GMDS: variants seen among roughly 807,000 people sequenced by gnomAD.
GMDS encodes the protein GDP-mannose 4,6 dehydratase.
GMDS carries 20 observed loss-of-function variants against 49.9 expected under a neutral mutation model. That is an observed-to-expected ratio of 0.40 (90% CI 0.28 to 0.58). GMDS has a LOEUF of 0.58. Ranked by LOEUF, GMDS falls within the 20% of genes least tolerant of loss-of-function variation. The probability of loss-of-function intolerance (pLI) is 0.42; values close to 1 mark genes in which losing one functional copy is unlikely to be tolerated. For missense variants in GMDS, 362 were observed against 481.4 expected (o/e 0.75, Z 2.32); for synonymous variants, 177 against 178.6 (o/e 0.99, Z 0.07).
chr6:1,964,834 A>G (rs1429929828), intron 4 of GMDS, among the ~76,000 whole-genome samples: 1 of 151,990 alleles, frequency 6.6e-6, no homozygotes, highest in African/African-American at 2.4e-5. Flanking sequence ...CCCCTACCCC[A>G]CAACAGGCCC....
At chr6:1,932,829 C>T (rs1025183571) in intron 6 of GMDS, among the ~76,000 whole-genome samples, 8 of 152,316 alleles carry the variant, frequency 5.3e-5, no homozygotes, top group African/African-American at 1.4e-4. Flanking sequence ...TGAGCCACCG[C>T]GCCCGCTCAA....
intron 9 of GMDS, among the ~76,000 whole-genome samples, chr6:1,665,809 C>T (rs1193382348): frequency 6.6e-6 from 1 of 152,188 alleles, no homozygotes; most frequent in Non-Finnish European, 1.5e-5. Context: ...GTGTACATAT[C>T]ATCATGTCTT....
At position 2,106,870 on chromosome 6, in the gene GMDS, GA is replaced by G. The variant is rs576984709; in HGVS notation, c.345+8900del. Among the ~76,000 whole-genome samples the G allele has an allele frequency of 6.3e-3, 813 of 129,848 alleles. 4 individuals carry two copies. The highest frequency in any genetic ancestry group is 9.2e-3 in the Non-Finnish European group (573 of 62,366). The allele number at this position is 129,848 out of a possible 152,430, so 85.2% of individuals were successfully genotyped here. A position where few individuals can be genotyped will look rare whatever the true frequency, so the allele number is the denominator to read the frequency against. On this transcript the variant is annotated intron_variant, in intron 4 of 10. Coordinates refer to ENST00000380815, the MANE Select transcript of GMDS (RefSeq NM_001500.4). ...AGAGCGAGACTCTGTCTCAAAAAAA[GA>G]AAAAAAAAAGGAAAAGTTTTACTCA...
At chr6:2,143,797 G>A (rs986027055) in intron 1 of GMDS, among the ~76,000 whole-genome samples, 3 of 152,130 alleles carry the variant, frequency 2.0e-5, no homozygotes, top group African/African-American at 7.2e-5. Context: ...AAGGAATCAA[G>A]GCTCTTCATT....
intron 4 of GMDS, among the ~76,000 whole-genome samples, chr6:2,016,431 T>C (rs191992895): frequency 2.6e-5 from 4 of 152,104 alleles, no homozygotes; most frequent in Non-Finnish European, 4.4e-5. Flanking sequence ...ATGGACCCAA[T>C]AATAGAGCTA....
chr6:2,225,165 CA>C (rs1188506396), intron 1 of GMDS, among the ~76,000 whole-genome samples: 7,842 of 119,456 alleles, frequency 0.066, 439 homozygotes, highest in African/African-American at 0.17. Context: ...ATAAAAAATA[CA>C]AAAAAAAAAA....
intron 4 of GMDS, among the ~76,000 whole-genome samples, chr6:2,067,681 C>T (rs1286612507): frequency 6.6e-6 from 1 of 152,122 alleles, no homozygotes; most frequent in East Asian, 1.9e-4. Flanking sequence ...CAGATAAATT[C>T]CTCGACACAT....
chr6:1,734,730 T>A (rs1412766749), intron 8 of GMDS, among the ~76,000 whole-genome samples: 22 of 152,228 alleles, frequency 1.4e-4, no homozygotes, highest in Non-Finnish European at 1.5e-5. Flanking sequence ...AATTACTTAA[T>A]AGGGAGGCTC....
At chr6:1,748,747 T>G (rs1663656066) in intron 7 of GMDS, among the ~76,000 whole-genome samples, 1 of 152,258 alleles carries the variant, frequency 6.6e-6, no homozygotes, top group Non-Finnish European at 1.5e-5. Context: ...ACAGGGCCCA[T>G]GGACTACGAT....
intron 7 of GMDS, among the ~76,000 whole-genome samples, chr6:1,821,692 T>C (rs1380638166): frequency 6.6e-6 from 1 of 151,398 alleles, no homozygotes; most frequent in Admixed American, 6.6e-5. Context: ...TGAATGATAT[T>C]TTGAAACTCT....
intron 1 of GMDS, among the ~76,000 whole-genome samples, chr6:2,216,963 G>A (rs1000835361): frequency 6.6e-6 from 1 of 151,998 alleles, no homozygotes; most frequent in Non-Finnish European, 1.5e-5. Context: ...ACACTTCCCC[G>A]AGACTTGGCA....
At chr6:2,227,586 T>C (rs1214462510) in intron 1 of GMDS, among the ~76,000 whole-genome samples, 3 of 152,198 alleles carry the variant, frequency 2.0e-5, no homozygotes, top group Non-Finnish European at 4.4e-5. Flanking sequence ...AGAGAGTGAC[T>C]GTGGAAAAGG....
intron 9 of GMDS, among the ~76,000 whole-genome samples, chr6:1,693,733 T>C (rs1294157307): frequency 6.6e-6 from 1 of 152,184 alleles, no homozygotes; most frequent in Non-Finnish European, 1.5e-5. Flanking sequence ...GGATTACTTT[T>C]TCTTATTTCA....
At chr6:1,903,816 C>G (rs1463946498) in intron 7 of GMDS, among the ~76,000 whole-genome samples, 4 of 152,186 alleles carry the variant, frequency 2.6e-5, no homozygotes, top group Non-Finnish European at 5.9e-5. Flanking sequence ...CCCTGGATGC[C>G]TTTCTGTCCT....
chr6:2,080,345 A>C (rs1772609066), intron 4 of GMDS, among the ~76,000 whole-genome samples: 2 of 152,142 alleles, frequency 1.3e-5, no homozygotes, highest in African/African-American at 4.8e-5. Flanking sequence ...ATTGCTGAAG[A>C]ATTATTGTGT....
At chr6:1,672,901 G>C (rs188651637) in intron 9 of GMDS, among the ~76,000 whole-genome samples, 13 of 152,322 alleles carry the variant, frequency 8.5e-5, no homozygotes, top group African/African-American at 3.1e-4. Flanking sequence ...ATTCCCTGGT[G>C]TCCTTTCTGG....
chr6:1,831,737 G>A (rs1422036651), intron 7 of GMDS, among the ~76,000 whole-genome samples: 1 of 152,122 alleles, frequency 6.6e-6, no homozygotes, highest in African/African-American at 2.4e-5. Flanking sequence ...CCTGCTTCTA[G>A]AGGTATTTGC....
chr6:1,682,513 G>A (rs1036112112), intron 9 of GMDS, among the ~76,000 whole-genome samples: 2 of 152,344 alleles, frequency 1.3e-5, no homozygotes, highest in Admixed American at 6.5e-5. Flanking sequence ...CCAGGCAGGC[G>A]GGCAGGCCAG....
intron 4 of GMDS, among the ~76,000 whole-genome samples, chr6:2,031,295 C>G (rs1768947685): frequency 6.6e-6 from 1 of 152,138 alleles, no homozygotes; most frequent in South Asian, 2.1e-4. Context: ...GGTGATTTCT[C>G]AAAAGCTGGA....
Sources: gnomAD v4.1 joint callset for allele counts (sites outside exome capture counted in the v4.1 genomes callset) on GRCh38, gnomAD v4.1.1 for gene constraint, MANE v1.5 for transcripts, NCBI Gene and HGNC (gene_info 2026-07-23, HGNC 2026-07-21) for gene names.